Variants in MEMO1 observed in about 807,000 individuals in gnomAD.
The protein encoded by MEMO1 is mediator of cell motility 1.
A neutral mutation model predicts 45.2 loss-of-function variants in MEMO1; 6 were observed. That is an observed-to-expected ratio of 0.13 (90% CI 0.07 to 0.26). The LOEUF (loss-of-function observed/expected upper bound fraction) is 0.26. Among genes scored for constraint, MEMO1 ranks in the 10% least tolerant of loss-of-function variants. The pLI, the probability that MEMO1 is intolerant of heterozygous loss-of-function variation, is 1.00. For missense variants in MEMO1, 184 were observed against 370.5 expected, an observed-to-expected ratio of 0.50 and a Z score of 4.13; for synonymous variants, 78 against 124.3, an observed-to-expected ratio of 0.63 and a Z score of 2.48.
intron 2 of MEMO1, among the ~76,000 whole-genome samples, chr2:31,944,370 C>CT (rs1345891079): frequency 6.6e-6 from 1 of 152,150 alleles, no homozygotes; most frequent in Non-Finnish European, 1.5e-5. Flanking sequence ...ATGATCAATG[C>CT]TTTTCATTTT....
In MEMO1 at chr2:31,989,357, C is replaced by G. The variant is rs535219988; in HGVS notation, c.61+20830G>C. 4.9e-4 allele frequency among the ~76,000 whole-genome samples: 74 copies of G among 152,272 alleles called. No homozygotes were observed. The South Asian group carries it at 0.015, about 31-fold the overall frequency. On this transcript the variant is annotated intron_variant, in intron 2 of 9. Transcript: ENST00000404530. ...AAAACATAGTTTCTACCACTATGGG[C>G]TTAACAACTTCCCAAGTCAAAAACA...
rs768621938 is a variant in MEMO1, at chr2:31,961,777, C to CA, written c.62-18395dup. 3.5e-3 allele frequency among the ~76,000 whole-genome samples: 478 copies of CA among 136,062 alleles called. 13 individuals are homozygous for CA. In the East Asian group the frequency reaches 0.064, roughly 18 times the overall value. 89.3% of individuals were successfully genotyped at this position (136,062 alleles called of 152,430 possible). ...TGGGTGACAAAGTGAGACCCTGACT[C>CA]AAAAAAAAAAAAAGTTATCCTGGTT... On this transcript the variant is annotated intron_variant, in intron 2 of 9. Coordinates refer to ENST00000404530, the MANE Select transcript of MEMO1 (RefSeq NM_001301833.4).
At chr2:31,915,206 C>G (rs951504222) in intron 6 of MEMO1, among the ~76,000 whole-genome samples, 1 of 152,026 alleles carries the variant, frequency 6.6e-6, no homozygotes, top group Non-Finnish European at 1.5e-5. Context: ...TGATGGAGAT[C>G]ACAAGATAAT....
chr2:31,930,140 G>C (rs1403879047), intron 4 of MEMO1, among the ~76,000 whole-genome samples: 3 of 152,152 alleles, frequency 2.0e-5, no homozygotes, highest in Non-Finnish European at 4.4e-5. Flanking sequence ...GCGTGCACCT[G>C]TAGTCCTAGC....
chr2:31,911,505 T>C (rs1190516478), intron 6 of MEMO1, among the ~76,000 whole-genome samples: 1 of 152,172 alleles, frequency 6.6e-6, no homozygotes, highest in Non-Finnish European at 1.5e-5. Context: ...AAAGAGTGAA[T>C]CCTAATTAAA....
intron 3 of MEMO1, 41 bp downstream of exon 3, chr2:31,943,261 T>C (rs1286862655): frequency 1.3e-6 from 2 of 1,492,294 alleles, no homozygotes; most frequent in African/African-American, 1.4e-5. Flanking sequence ...GGAGACTCCT[T>C]CTCAAAAAAC....
intron 6 of MEMO1, chr2:31,893,273 G>T: frequency 9.1e-7 from 1 of 1,098,514 alleles, no homozygotes; most frequent in Non-Finnish European, 1.2e-6. Context: ...AGATCATACA[G>T]ATCTCCAGTC....
At chr2:31,950,388 A>C (rs1207382743) in intron 2 of MEMO1, among the ~76,000 whole-genome samples, 3 of 151,670 alleles carry the variant, frequency 2.0e-5, no homozygotes, top group Non-Finnish European at 4.4e-5. Context: ...CAAAAAAAAA[A>C]AACAAAAAAA....
At chr2:31,916,954 C>A (rs1681534276) in intron 6 of MEMO1, among the ~76,000 whole-genome samples, 1 of 152,050 alleles carries the variant, frequency 6.6e-6, no homozygotes, top group South Asian at 2.1e-4. Context: ...AAAGAAATAA[C>A]CACACAAAAG....
At chr2:31,880,214 G>A (rs1456514996) in intron 8 of MEMO1, among the ~76,000 whole-genome samples, 2 of 152,066 alleles carry the variant, frequency 1.3e-5, no homozygotes, top group African/African-American at 4.8e-5. Flanking sequence ...TATGGAAAAA[G>A]CCAGAAAAAG....
At chr2:31,906,089 C>T (rs1679672041) in intron 6 of MEMO1, among the ~76,000 whole-genome samples, 1 of 151,308 alleles carries the variant, frequency 6.6e-6, no homozygotes, top group African/African-American at 2.4e-5. Flanking sequence ...TCTCCTGCCT[C>T]AGCCTCCCGA....
chr2:31,937,437 G>A (rs1285179582), intron 3 of MEMO1, among the ~76,000 whole-genome samples: 1 of 152,124 alleles, frequency 6.6e-6, no homozygotes, highest in Non-Finnish European at 1.5e-5. Context: ...ACAATAATTA[G>A]AGACAAATAA....
At chr2:31,936,436 C>T (rs1304138824) in intron 3 of MEMO1, among the ~76,000 whole-genome samples, 1 of 152,140 alleles carries the variant, frequency 6.6e-6, no homozygotes, top group African/African-American at 2.4e-5. Flanking sequence ...AAAATTGATC[C>T]TTCTTTTAAC....
rs571215318 is a variant in MEMO1, at chr2:31,962,723, T to C, written c.62-19340A>G. Reference sequence around the variant, plus strand: ...CAAAAGTATCATCAAAGGGCATTCATTGACTGACAACAATATTTAGGGCAG... The same window carrying C: ...CAAAAGTATCATCAAAGGGCATTCACTGACTGACAACAATATTTAGGGCAG... On this transcript the variant is annotated intron_variant, in intron 2 of 9. Transcript: ENST00000404530. Among the ~76,000 whole-genome samples, 435 of 152,310 alleles carry C rather than the reference T, an allele frequency of 2.9e-3. 5 individuals are homozygous for C. The highest frequency in any genetic ancestry group is 4.1e-3 in the Non-Finnish European group (280 of 68,040).
At chr2:32,010,046 C>A (rs1199764161) in intron 2 of MEMO1, 141 bp downstream of exon 2, 1 of 227,160 alleles carries the variant, frequency 4.4e-6, no homozygotes, top group Admixed American at 6.7e-5. Flanking sequence ...CGCTCCCTCC[C>A]CACGCGGTCC....
At chr2:31,982,588 C>CAAAAA (rs60208602) in intron 2 of MEMO1, among the ~76,000 whole-genome samples, 1 of 70,104 alleles carries the variant, frequency 1.4e-5, no homozygotes, top group Non-Finnish European at 3.1e-5. Context: ...GACTCCGTCT[C>CAAAAA]AAAAAAAAAA....
At chr2:31,938,973 G>A (rs927532599) in intron 3 of MEMO1, among the ~76,000 whole-genome samples, 103 of 151,508 alleles carry the variant, frequency 6.8e-4, no homozygotes, top group Middle Eastern at 3.4e-3. Flanking sequence ...TTTTTGTAGA[G>A]GGGGTTTCGC....
chr2:31,869,293 AAATT>A (rs1673314663), intron 9 of MEMO1, among the ~76,000 whole-genome samples: 1 of 152,120 alleles, frequency 6.6e-6, no homozygotes, highest in Non-Finnish European at 1.5e-5. Flanking sequence ...TTCATTCAAG[AAATT>A]AATAGTTTTC....
chr2:32,003,662 C>T (rs2148608569), intron 2 of MEMO1, among the ~76,000 whole-genome samples: 1 of 152,270 alleles, frequency 6.6e-6, no homozygotes, highest in East Asian at 1.9e-4. Context: ...TAGAAAAAAG[C>T]ACAGGAGGGT....
Sources: allele counts gnomAD v4.1 joint callset (sites outside exome capture counted in the v4.1 genomes callset), GRCh38; gene constraint gnomAD v4.1.1; transcripts MANE v1.5; gene names NCBI Gene and HGNC (gene_info 2026-07-23, HGNC 2026-07-21).